The following COL7A1 variants were observed in gnomAD, a reference collection of about 807,000 sequenced individuals.
COL7A1 encodes collagen alpha-1(VII) chain.
COL7A1 carries 296 observed loss-of-function variants against 456.2 expected under a neutral mutation model. The observed-to-expected ratio is 0.65, with a 90% CI of 0.59 to 0.71. The LOEUF is 0.71. Among genes scored for constraint, COL7A1 ranks in the 30% least tolerant of loss-of-function variants. The pLI, the probability that COL7A1 is intolerant of heterozygous loss-of-function variation, is 0.00. For missense variants in COL7A1, 3,441 were observed against 4,017.2 expected, an observed-to-expected ratio of 0.86 and a Z score of 3.88; for synonymous variants, 1,464 against 1,525.9, an observed-to-expected ratio of 0.96 and a Z score of 0.95.
chr3:48,574,287 C>A lies in COL7A1; in HGVS notation c.6476G>T (p.Gly2159Val), dbSNP rs753632833. The change falls in exon 80 of 119, where the codon GGT becomes GTT. Residue 2159 changes from glycine to valine, a missense_variant. Transcript: ENST00000681320. This position sits in a 1 kb window ranked among gnomAD's most constrained non-coding sequence, Gnocchi z 5.0. ...CGGCTTCCCTTCAGGCCCAGCCATA[C>A]CACGCTCTCCTGGTAGACCCTGCAG... ...DGNPGLPGERGMAGPEGKPGL... is the reference protein window; with the variant it reads ...DGNPGLPGERVMAGPEGKPGL... 1 of 1,614,152 alleles carries A rather than the reference C, an allele frequency of 6.2e-7. No homozygotes were observed. Among genetic ancestry groups the A allele is most frequent in the Non-Finnish European group, 8.5e-7 (1 of 1,180,026 alleles).
chr3:48,582,464 A>G lies in COL7A1; in HGVS notation c.4599+14T>C. ...CCTAGTACCAGACAGTGCCACCCCC[A>G]GCCGAGGACCCACCTTCTCTCCTTG... is the stretch of plus-strand genomic sequence containing the variant. On this transcript the variant is annotated intron_variant, in intron 46 of 118. Coordinates refer to ENST00000681320, the MANE Select transcript of COL7A1 (RefSeq NM_000094.4). 1 of 1,614,130 alleles carries G rather than the reference A, an allele frequency of 6.2e-7. No individual in the cohort carries two copies. The highest frequency in any genetic ancestry group is 8.5e-7 in the Non-Finnish European group (1 of 1,180,022).
In COL7A1 at chr3:48,566,437, G is replaced by A. The variant is rs1041183545; in HGVS notation, c.8358+73C>T. On this transcript the variant is annotated intron_variant, in intron 113 of 118. Transcript: ENST00000681320. This position sits in a 1 kb window ranked among gnomAD's most constrained non-coding sequence, Gnocchi z 5.9. ...CCAGGGCCCAGGGGTCAGGGTGCTG[G>A]GTGAGGGAGGTAGGGCCCCAGCCCA... The A allele has an allele frequency of 2.4e-5, 38 of 1,610,142 alleles. No homozygotes were observed. The highest frequency in any genetic ancestry group is 1.7e-4 in the Middle Eastern group (1 of 6,004).
rs1349369931 is a variant in COL7A1 at position 48,573,159 on chromosome 3, C to T, written c.6714+15G>A. ...AAACACGGTGTCCCTACAGGGGCCA[C>T]AGGGACTCACTCACCACAAGGCCTG... is the stretch of plus-strand genomic sequence containing the variant. On this transcript the variant is annotated intron_variant, in intron 85 of 118. Coordinates refer to ENST00000681320, the MANE Select transcript of COL7A1 (RefSeq NM_000094.4). This position sits in a 1 kb window ranked among gnomAD's most constrained non-coding sequence, Gnocchi z 5.5. 16 of 1,614,030 alleles carry T rather than the reference C, an allele frequency of 9.9e-6. No homozygotes were observed. The highest frequency in any genetic ancestry group is 1.4e-5 in the Non-Finnish European group (16 of 1,179,934).
At chr3:48,589,060 C>G in intron 18 of COL7A1, 65 bp from the exon 19 acceptor site, 1 of 1,608,996 alleles carries the variant, frequency 6.2e-7, no homozygotes, top group East Asian at 2.2e-5. Flanking sequence ...GAATGGTTGA[C>G]GCAGGGGTGA....
rs2045359509 is a variant in COL7A1 at position 48,587,514 on chromosome 3, G to A, written c.2898C>T (p.Asp966=). 6.2e-7 allele frequency: 1 copy of A among 1,613,484 alleles called. No individual in the cohort carries two copies. The highest frequency in any genetic ancestry group is 8.5e-7 in the Non-Finnish European group (1 of 1,180,022). Residue 966 remains aspartate, a synonymous_variant, in exon 23 of 119, where the codon GAC becomes GAT. Transcript: ENST00000681320. The surrounding 1 kb of genome is among the most constrained non-coding windows in gnomAD (Gnocchi z 6.1). ...RVPSIELRVV[D]TSIDSVTLAW... is the part of the protein sequence containing the mutation. ...CCAAAGTCACCGAGTCGATCGAGGT[G>A]TCCACCACACGTAGTTCAATGCTTG...
rs143283465 is a variant in COL7A1, at chr3:48,570,144, C to G, written c.7475G>C (p.Arg2492Pro). The change falls in exon 99 of 119, where the codon CGA becomes CCA. Residue 2492 changes from arginine to proline, a missense_variant. Arg to Pro is a moderately radical substitution (Grantham distance 103). This residue lies in a region of COL7A1 where 2,084 missense variants were observed against 2,501.3 expected (regional missense o/e 0.83). Coordinates refer to ENST00000681320, the MANE Select transcript of COL7A1 (RefSeq NM_000094.4). This position sits in a 1 kb window ranked among gnomAD's most constrained non-coding sequence, Gnocchi z 5.5. ...CCCAGCGGGACCCACCGTGAGTCCTCGGGGTCCCTCCTGGCCGGGGCGGCC... is the reference window on the plus strand; with the variant it reads ...CCCAGCGGGACCCACCGTGAGTCCTGGGGGTCCCTCCTGGCCGGGGCGGCC... ...EDGRPGQEGP[R>P]GLTGPPGSRG... is the part of the protein sequence containing the mutation. 6.8e-6 allele frequency: 11 copies of G among 1,613,988 alleles called. No individual in the cohort carries two copies. Among genetic ancestry groups the G allele is most frequent in the Non-Finnish European group, 7.6e-6 (9 of 1,180,006 alleles).
Position 48,579,337 on chromosome 3 carries a change from T to A in COL7A1, c.5307+32A>T, listed in dbSNP as rs2044558524. On this transcript the variant is annotated intron_variant, in intron 61 of 118. Coordinates refer to ENST00000681320, the MANE Select transcript of COL7A1 (RefSeq NM_000094.4). This position sits in a 1 kb window ranked among gnomAD's most constrained non-coding sequence, Gnocchi z 4.4. Reference sequence around the variant, plus strand: ...CTGAGGTGGATCTGATAACCCAGGCTCATGTCCTGAGAAACCCCCACACCC... The same window carrying A: ...CTGAGGTGGATCTGATAACCCAGGCACATGTCCTGAGAAACCCCCACACCC... 2 of 1,613,964 alleles carry A rather than the reference T, an allele frequency of 1.2e-6. No individual in the cohort carries two copies. Among genetic ancestry groups the A allele is most frequent in the Non-Finnish European group, 8.5e-7 (1 of 1,180,020 alleles).
Position 48,582,525 on chromosome 3 carries a change from G to T in COL7A1, c.4564-12C>A, listed in dbSNP as rs371272827. ...GGTCCTGGTGGCCCCTGAATGTAGA[G>T]AAAGTGTGAGCCCAGGAGGGGAAGG... On this transcript the variant is annotated splice_polypyrimidine_tract_variant and intron_variant, in intron 45 of 118. Transcript: ENST00000681320. 3 of 1,614,038 alleles carry T rather than the reference G, an allele frequency of 1.9e-6. No homozygotes were observed. The highest frequency in any genetic ancestry group is 1.7e-6 in the Non-Finnish European group (2 of 1,180,028).
chr3:48,579,242 G>A lies in COL7A1; in HGVS notation c.5343C>T (p.Ser1781=), dbSNP rs147919436. ...CGGCTCCTGGTTTCCCATCCAGTCC[G>A]CTCCGGCCATCCAGCCCAGGGGGAC... is the stretch of plus-strand genomic sequence containing the variant. ...DRGPPGLDGR[S]GLDGKPGAAG... is the part of the protein sequence containing the mutation. The change falls in exon 62 of 119, where the codon AGC becomes AGT. Residue 1781 remains serine, a synonymous_variant. Transcript: ENST00000681320. The surrounding 1 kb of genome is among the most constrained non-coding windows in gnomAD (Gnocchi z 4.4). 1.6e-4 allele frequency: 263 copies of A among 1,613,842 alleles called. 2 individuals are homozygous for A. The East Asian group carries it at 5.0e-3, about 30-fold the overall frequency.
rs754171960 is a variant in COL7A1, at chr3:48,586,480, TGGAA to T, written c.3404-6_3404-3del. 2 of 1,613,742 alleles carry T rather than the reference TGGAA, an allele frequency of 1.2e-6. No individual in the cohort carries two copies. The highest frequency in any genetic ancestry group is 1.7e-6 in the Non-Finnish European group (2 of 1,180,024). Reference sequence around the variant, plus strand: ...TGTGAGCTGTGACCACGGCTGTGCCTGGAAGGAAGGACATGTCAGAACCCTGGGG... The same window carrying T: ...TGTGAGCTGTGACCACGGCTGTGCCTGGAAGGACATGTCAGAACCCTGGGG... On this transcript the variant is annotated splice_polypyrimidine_tract_variant and splice_region_variant and intron_variant, in intron 26 of 118. Transcript: ENST00000681320. The surrounding 1 kb of genome is among the most constrained non-coding windows in gnomAD (Gnocchi z 5.1).
rs2043521506 is a variant in COL7A1, at chr3:48,564,601, G to A, written c.8819-179C>T. The A allele has an allele frequency of 2.0e-6, 2 of 1,011,362 alleles. No homozygotes were observed. Among genetic ancestry groups the A allele is most frequent in the Non-Finnish European group, 3.0e-6 (2 of 674,048 alleles). The allele number at this position is 1,011,362 out of a possible 1,614,324, so 62.6% of individuals were successfully genotyped here. The stretch of plus-strand genomic sequence containing the variant: ...AACATGGAAGGGGACCCTACTGGGG[G>A]CTCCACGGCTGGGGCTCTATATTCA... On this transcript the variant is annotated intron_variant, in intron 118 of 118. Transcript: ENST00000681320. This position sits in a 1 kb window ranked among gnomAD's most constrained non-coding sequence, Gnocchi z 6.0.
rs917353855 is a variant in COL7A1 at position 48,590,476 on chromosome 3, C to G, written c.1889G>C (p.Ser630Thr). The change falls in exon 15 of 119, where the codon AGC (serine) becomes ACC (threonine). Residue 630 changes from serine to threonine, a missense_variant. This residue lies in a region of COL7A1 where 913 missense variants were observed against 1,088.2 expected (regional missense o/e 0.84). Coordinates refer to ENST00000681320, the MANE Select transcript of COL7A1 (RefSeq NM_000094.4). The surrounding 1 kb of genome is among the most constrained non-coding windows in gnomAD (Gnocchi z 4.6). ...ACACTGACCACTGCCTGTGCTCCAG[C>G]TAATCCGAAATCCACTGGCTCCAGG... Reference protein sequence around the residue: ...PVPGASGFRISWSTGSGPESS... With the variant: ...PVPGASGFRITWSTGSGPESS... 13 of 1,614,056 alleles carry G rather than the reference C, an allele frequency of 8.1e-6. No homozygotes were observed. Among genetic ancestry groups the G allele is most frequent in the Non-Finnish European group, 8.5e-6 (10 of 1,180,046 alleles).
chr3:48,581,218 A>G lies in COL7A1; in HGVS notation c.4899+42T>C. On this transcript the variant is annotated intron_variant, in intron 52 of 118. Transcript: ENST00000681320. This position sits in a 1 kb window ranked among gnomAD's most constrained non-coding sequence, Gnocchi z 5.8. ...CCCCCATGATGCTGGCAACAGCCCT[A>G]CTCCCTTACCCGCCATGACTCCCCC... is the stretch of plus-strand genomic sequence containing the variant. The G allele has an allele frequency of 6.2e-7, 1 of 1,607,216 alleles. No homozygotes were observed.
chr3:48,565,712 G>C lies in COL7A1; in HGVS notation c.8408-44C>G. ...GATAGAGAGACAATGACAGAGAGAA[G>C]GATGGGAAGATGGAGAGACAGACAG... On this transcript the variant is annotated intron_variant, in intron 114 of 118. Coordinates refer to ENST00000681320, the MANE Select transcript of COL7A1 (RefSeq NM_000094.4). This position sits in a 1 kb window ranked among gnomAD's most constrained non-coding sequence, Gnocchi z 4.5. 6.4e-7 allele frequency: 1 copy of C among 1,574,756 alleles called. No homozygotes were observed. Among genetic ancestry groups the C allele is most frequent in the Non-Finnish European group, 8.7e-7 (1 of 1,154,000 alleles).
Position 48,568,748 on chromosome 3 carries a change from A to ACCTGGGCCTGGG in COL7A1, c.7758+24_7758+35dup, listed in dbSNP as rs767210608. On this transcript the variant is annotated intron_variant, in intron 104 of 118. Coordinates refer to ENST00000681320, the MANE Select transcript of COL7A1 (RefSeq NM_000094.4). This position sits in a 1 kb window ranked among gnomAD's most constrained non-coding sequence, Gnocchi z 5.2. ...TGTGTGTGTGTGATGCTGGCTCTGG[A>ACCTGGGCCTGGG]CCTGGGCCTGGGCCTGGGCCTGGGG... The ACCTGGGCCTGGG allele has an allele frequency of 3.2e-6, 5 of 1,551,158 alleles. No homozygotes were observed. The South Asian group carries it at 3.6e-5, about 11-fold the overall frequency.
Position 48,574,204 on chromosome 3 carries a change from C to T in COL7A1, c.6501+58G>A. On this transcript the variant is annotated intron_variant, in intron 80 of 118. Transcript: ENST00000681320. This position sits in a 1 kb window ranked among gnomAD's most constrained non-coding sequence, Gnocchi z 5.0. The stretch of plus-strand genomic sequence containing the variant: ...ACACAGACATGCACACACACAGCAG[C>T]AGCAGCACCTAGCGGAGGGTCCGGA... The T allele has an allele frequency of 1.9e-6, 3 of 1,600,218 alleles. No homozygotes were observed. In the East Asian group the frequency reaches 6.7e-5, roughly 36 times the overall value.
Position 48,567,510 on chromosome 3 carries a change from C to T in COL7A1, c.8046+64G>A, listed in dbSNP as rs752434413. On this transcript the variant is annotated intron_variant, in intron 109 of 118. Coordinates refer to ENST00000681320, the MANE Select transcript of COL7A1 (RefSeq NM_000094.4). This position sits in a 1 kb window ranked among gnomAD's most constrained non-coding sequence, Gnocchi z 4.3. ...TCCTTGTCCCTACACCCCCATGACC[C>T]GACCATGAGCTTCCCTGCCCCATCC... The T allele has an allele frequency of 1.6e-5, 26 of 1,607,752 alleles. No homozygotes were observed. Among genetic ancestry groups the T allele is most frequent in the Admixed American group, 5.0e-5 (3 of 59,988 alleles).
At chr3:48,584,251 T>C (rs201701017) in intron 37 of COL7A1, 47 bp downstream of exon 37, 1 of 1,567,240 alleles carries the variant, frequency 6.4e-7, no homozygotes, top group East Asian at 2.4e-5. Context: ...TGGGTTCAAA[T>C]GGGGTCACCA....
chr3:48,567,968 T>G lies in COL7A1; in HGVS notation c.7876-77A>C. On this transcript the variant is annotated intron_variant, in intron 106 of 118. Transcript: ENST00000681320. This position sits in a 1 kb window ranked among gnomAD's most constrained non-coding sequence, Gnocchi z 4.3. ...ACCCCCTTCACCCTGAAACTAACTC[T>G]CCAAACAGGCCTCAGCTACTCCAAC... 2.5e-6 allele frequency: 4 copies of G among 1,604,614 alleles called. No individual in the cohort carries two copies. Among genetic ancestry groups the G allele is most frequent in the Non-Finnish European group, 3.4e-6 (4 of 1,171,958 alleles).
Sources: allele counts gnomAD v4.1 joint callset, GRCh38; gene constraint gnomAD v4.1.1; regional missense constraint gnomAD v4.1.1; non-coding constraint Gnocchi (gnomAD v3.1); transcripts MANE v1.5; gene names NCBI Gene and HGNC (gene_info 2026-07-23, HGNC 2026-07-21).